The following NUP107 variants were observed in gnomAD, a reference collection of about 807,000 sequenced individuals.
The protein encoded by NUP107 is nuclear pore complex protein Nup107.
A neutral mutation model predicts 141.0 loss-of-function variants in NUP107; 101 were observed. That is an observed-to-expected ratio of 0.72 (90% CI 0.61 to 0.84). NUP107 has a LOEUF of 0.84. Ranked by LOEUF, NUP107 falls within the 40% of genes least tolerant of loss-of-function variation. The pLI is 0.00. For synonymous variants in NUP107, 319 were observed against 363.9 expected, an observed-to-expected ratio of 0.88 and a Z score of 1.41; for missense variants, 941 against 1,102.7, an observed-to-expected ratio of 0.85 and a Z score of 2.08.
intron 5 of NUP107, among the ~76,000 whole-genome samples, chr12:68,692,577 T>TAAA (rs1243139263): frequency 8.9e-6 from 1 of 112,682 alleles, no homozygotes. Context: ...AGACTCCGTC[T>TAAA]AAAAAAAAAA....
intron 11 of NUP107, chr12:68,714,062 C>A: frequency 2.6e-6 from 1 of 382,106 alleles, no homozygotes; most frequent in Non-Finnish European, 4.6e-6. Flanking sequence ...TAATTTTGGT[C>A]TTATCTTAAG....
At position 68,745,243 on chromosome 12, in the gene NUP107, C is replaced by G. The variant is rs2136060853; in HGVS notation, c.*2781C>G. The G allele has an allele frequency of 6.6e-6, 1 of 152,286 alleles. No individual in the cohort carries two copies. The highest frequency in any genetic ancestry group is 6.5e-5 in the Admixed American group (1 of 15,288). The allele number at this position is 152,286 out of a possible 1,614,324, so 9.4% of individuals were successfully genotyped here. ...CTCATTTATTTTAAATTTTTTGTAC[C>G]ACAGTCTCTCTTTTTAATTTTATGA... On this transcript the variant is annotated 3_prime_UTR_variant, in exon 28 of 28. Coordinates refer to ENST00000229179, the MANE Select transcript of NUP107 (RefSeq NM_020401.4).
chr12:68,731,390 G>T, intron 21 of NUP107, 130 bp downstream of exon 21: 2 of 987,948 alleles, frequency 2.0e-6, no homozygotes, highest in East Asian at 3.0e-5. Flanking sequence ...AATTTTCAGG[G>T]AATTTCTGTT....
chr12:68,727,416 T>C (rs757553617), intron 20 of NUP107, 27 bp downstream of exon 20: 1 of 1,335,938 alleles, frequency 7.5e-7, no homozygotes, highest in Non-Finnish European at 1.0e-6. Context: ...TACAACCTGA[T>C]TGTTTTTTAC....
Position 68,725,346 on chromosome 12 carries a change from C to T in NUP107, c.1507-381C>T, listed in dbSNP as rs140646538. Among the ~76,000 whole-genome samples, 561 of 152,118 alleles carry T rather than the reference C, an allele frequency of 3.7e-3. 1 individual carries two copies. The highest frequency in any genetic ancestry group is 5.4e-3 in the Non-Finnish European group (370 of 68,020). On this transcript the variant is annotated intron_variant, in intron 17 of 27. Coordinates refer to ENST00000229179, the MANE Select transcript of NUP107 (RefSeq NM_020401.4). ...AAGAATGCTTTCATGTACTGCTGCT[C>T]ATGTTGAAAGAAATCTTAATAGTTT...
At chr12:68,712,251 G>A (rs956373854) in intron 10 of NUP107, among the ~76,000 whole-genome samples, 2 of 151,986 alleles carry the variant, frequency 1.3e-5, no homozygotes, top group African/African-American at 4.8e-5. Context: ...GGGAGGCCAA[G>A]GCAGGTGGAT....
chr12:68,687,919 T>G (rs1445000027), intron 1 of NUP107, among the ~76,000 whole-genome samples: 8 of 152,196 alleles, frequency 5.3e-5, no homozygotes, highest in African/African-American at 1.9e-4. Context: ...CCTGCATCTG[T>G]GTGTCTCCAG....
At chr12:68,720,454 TAGG>T (rs1293654419) in intron 14 of NUP107, among the ~76,000 whole-genome samples, 1 of 152,002 alleles carries the variant, frequency 6.6e-6, no homozygotes, top group African/African-American at 2.4e-5. Flanking sequence ...AAAAAGTAAT[TAGG>T]AGCCTGTCAG....
At chr12:68,736,186 T>C (rs1878059291) in intron 26 of NUP107, among the ~76,000 whole-genome samples, 1 of 152,150 alleles carries the variant, frequency 6.6e-6, no homozygotes, top group South Asian at 2.1e-4. Context: ...TGATGTGTTA[T>C]TTTGAACAAA....
At chr12:68,692,749 AT>A (rs35628849) in intron 5 of NUP107, among the ~76,000 whole-genome samples, 31,886 of 135,196 alleles carry the variant, frequency 0.24, 3,889 homozygotes, top group Non-Finnish European at 0.31. Flanking sequence ...TGCCTAGCTA[AT>A]TTTTTTTTTT....
chr12:68,719,409 C>T lies in NUP107; in HGVS notation c.1152C>T (p.Tyr384=). The T allele has an allele frequency of 6.2e-6, 10 of 1,613,966 alleles. No homozygotes were observed. Among genetic ancestry groups the T allele is most frequent in the Non-Finnish European group, 8.5e-6 (10 of 1,179,870 alleles). Residue 384 remains tyrosine, a synonymous_variant, in exon 13 of 28, where the codon TAC becomes TAT. Coordinates refer to ENST00000229179, the MANE Select transcript of NUP107 (RefSeq NM_020401.4). Reference sequence around the variant, plus strand: ...CAACACTTGAAGGCTGGAAACTGTACCATGACCCTAATGTTAATGGAGGTA... The same window carrying T: ...CAACACTTGAAGGCTGGAAACTGTATCATGACCCTAATGTTAATGGAGGTA... ...RAATLEGWKL[Y]HDPNVNGGTE...
At chr12:68,692,692 G>T (rs962862849) in intron 5 of NUP107, among the ~76,000 whole-genome samples, 3 of 151,262 alleles carry the variant, frequency 2.0e-5, no homozygotes, top group Non-Finnish European at 4.4e-5. Flanking sequence ...AAGCAATTCT[G>T]CAGCCTCAGC....
intron 1 of NUP107, 115 bp downstream of exon 1, chr12:68,687,188 C>A: frequency 1.4e-6 from 2 of 1,398,340 alleles, no homozygotes; most frequent in Admixed American, 2.0e-5. Flanking sequence ...GGGTGCTTCC[C>A]CTAAGGCTCC....
At chr12:68,694,387 C>T (rs951631599) in intron 5 of NUP107, among the ~76,000 whole-genome samples, 13 of 151,994 alleles carry the variant, frequency 8.6e-5, no homozygotes, top group African/African-American at 2.9e-4. Flanking sequence ...CTTAAAAGAC[C>T]TTTAGGTATC....
chr12:68,705,806 G>C, intron 8 of NUP107: 1 of 764,580 alleles, frequency 1.3e-6, no homozygotes. Context: ...GGCAGGGCCA[G>C]TGGTAGGGGA....
In NUP107 at chr12:68,720,758, A is replaced by T. The variant is rs1299966152; in HGVS notation, c.1252-360A>T. Among the ~76,000 whole-genome samples the T allele has an allele frequency of 2.0e-5, 3 of 152,224 alleles. No homozygotes were observed. The East Asian group carries it at 5.8e-4, about 29-fold the overall frequency. ...TGTACATAGGTCAGTATCAGAGAGTATCAGGTCAGTATCAGAATGTCAGGT... is the reference window on the plus strand; with the variant it reads ...TGTACATAGGTCAGTATCAGAGAGTTTCAGGTCAGTATCAGAATGTCAGGT... On this transcript the variant is annotated intron_variant, in intron 14 of 27. Transcript: ENST00000229179.
intron 1 of NUP107, chr12:68,687,748 G>C: frequency 1.6e-6 from 1 of 636,556 alleles, no homozygotes; most frequent in Non-Finnish European, 2.0e-6. Context: ...TGTTCTAAAG[G>C]CGTTGAATAT....
chr12:68,725,835 G>GTTT (rs373156654), intron 18 of NUP107, 39 bp downstream of exon 18: 119 of 693,094 alleles, frequency 1.7e-4, no homozygotes, highest in Middle Eastern at 3.5e-4. Flanking sequence ...TTTTTTGTGT[G>GTTT]TGTTTTTTTT....
At chr12:68,724,845 C>G (rs1877494086) in intron 17 of NUP107, among the ~76,000 whole-genome samples, 1 of 151,876 alleles carries the variant, frequency 6.6e-6, no homozygotes, top group Non-Finnish European at 1.5e-5. Context: ...AGGGTACTTG[C>G]CTTACTCAAT....
Sources: allele counts gnomAD v4.1 joint callset (sites outside exome capture counted in the v4.1 genomes callset), GRCh38; gene constraint gnomAD v4.1.1; transcripts MANE v1.5; gene names NCBI Gene and HGNC (gene_info 2026-07-23, HGNC 2026-07-21).